The following PHF20L1 variants were observed in gnomAD, a reference collection of about 807,000 sequenced individuals.
The protein encoded by PHF20L1 is PHD finger protein 20 like 1, also known as PHD finger protein 20-like protein 1.
PHF20L1 carries 44 observed loss-of-function variants against 125.5 expected under a neutral mutation model. The observed-to-expected ratio is 0.35, with a 90% CI of 0.28 to 0.45. The LOEUF (loss-of-function observed/expected upper bound fraction) is 0.45. Ranked by LOEUF, PHF20L1 falls within the 20% of genes least tolerant of loss-of-function variation. The pLI is 1.00. For missense variants in PHF20L1, 1,012 were observed against 1,217.2 expected (o/e 0.83, Z 2.51); for synonymous variants, 380 against 403.1 (o/e 0.94, Z 0.69).
intron 10 of PHF20L1, 64 bp from the exon 11 acceptor site, chr8:132,816,824 C>T: frequency 1.9e-6 from 2 of 1,072,402 alleles, no homozygotes; most frequent in Non-Finnish European, 2.9e-6. Flanking sequence ...CATTTATCTC[C>T]TTAAATATTG....
At chr8:132,788,814 C>T (rs994122838) in intron 2 of PHF20L1, 45 of 152,084 alleles carry the variant, frequency 3.0e-4, no homozygotes, top group Admixed American at 2.8e-3. Flanking sequence ...GATAATGAAG[C>T]GCTGACAGTT....
At chr8:132,827,287 T>G (rs1393837817) in intron 14 of PHF20L1, among the ~76,000 whole-genome samples, 1 of 152,032 alleles carries the variant, frequency 6.6e-6, no homozygotes. Flanking sequence ...AATACCCTTC[T>G]GTGAGTGGTA....
chr8:132,824,190 C>T (rs992933271), intron 13 of PHF20L1, 130 bp downstream of exon 13: 3 of 559,146 alleles, frequency 5.4e-6, no homozygotes. Flanking sequence ...TTAGTTCCTA[C>T]TAGTGTTAGT....
intron 14 of PHF20L1, among the ~76,000 whole-genome samples, chr8:132,831,595 T>C (rs1358689020): frequency 6.6e-6 from 1 of 152,056 alleles, no homozygotes; most frequent in Admixed American, 6.6e-5. Flanking sequence ...TCTTTACGAA[T>C]TGTGGGGAAG....
rs1015394105 is a variant in PHF20L1, at chr8:132,798,066, A to G, written c.341-706A>G. Among the ~76,000 whole-genome samples, 6 of 152,168 alleles carry G rather than the reference A, an allele frequency of 3.9e-5. No homozygotes were observed. In the South Asian group the frequency reaches 6.2e-4, roughly 16 times the overall value. The stretch of plus-strand genomic sequence containing the variant: ...AAGTGAATATGCTTCATAATAGACA[A>G]ACAAAATCTTGAGTCCTTCAAGTAG... On this transcript the variant is annotated intron_variant, in intron 4 of 20. Coordinates refer to ENST00000395386, the MANE Select transcript of PHF20L1 (RefSeq NM_016018.5).
intron 2 of PHF20L1, among the ~76,000 whole-genome samples, chr8:132,780,853 T>TC (rs1830340587): frequency 6.6e-6 from 1 of 150,482 alleles, no homozygotes; most frequent in East Asian, 1.9e-4. Context: ...GCTTTTTTTT[T>TC]TTTTTTTTTG....
chr8:132,785,686 G>A (rs1023465533), intron 2 of PHF20L1, among the ~76,000 whole-genome samples: 5 of 152,194 alleles, frequency 3.3e-5, no homozygotes, highest in Middle Eastern at 3.4e-3. Context: ...TGGTATGCAA[G>A]TATTATGTTA....
At chr8:132,842,931 A>G in intron 19 of PHF20L1, 56 bp downstream of exon 19, 1 of 1,515,200 alleles carries the variant, frequency 6.6e-7, no homozygotes. Context: ...ACAAAGGAAA[A>G]TTTTATAAAA....
Position 132,836,549 on chromosome 8 carries a change from A to T in PHF20L1, c.1919A>T (p.Asp640Val). The T allele has an allele frequency of 6.2e-7, 1 of 1,602,772 alleles. No individual in the cohort carries two copies. Among genetic ancestry groups the T allele is most frequent in the Non-Finnish European group, 8.5e-7 (1 of 1,170,316 alleles). The part of the protein sequence containing the change: ...SVDLSGENLS[D>V]VDFLDDSSTE... ...TTTGTATATATTCTAGACTTATCAG[A>T]TGTAGACTTCCTAGATGATTCTTCA... The change falls in exon 16 of 21, where the codon GAT becomes GTT. Residue 640 changes from aspartate to valine, a missense_variant. Asp to Val is a radical substitution (Grantham distance 152). Around this residue, in one of 7 missense-constraint regions of PHF20L1, gnomAD observed 320 missense variants for 293.8 expected, o/e 1.09. Transcript: ENST00000395386.
intron 18 of PHF20L1, among the ~76,000 whole-genome samples, chr8:132,841,137 ATATACT>A (rs879258189): frequency 6.6e-6 from 1 of 151,966 alleles, no homozygotes; most frequent in Admixed American, 6.6e-5. Flanking sequence ...TTTCTGTTTC[ATATACT>A]TATAGGCCCT....
At chr8:132,811,430 T>G in intron 9 of PHF20L1, 2 of 1,043,398 alleles carry the variant, frequency 1.9e-6, no homozygotes, top group Non-Finnish European at 2.3e-6. Context: ...AAAAAGACCC[T>G]TACACAAATA....
chr8:132,833,590 G>A (rs1400414058), intron 15 of PHF20L1, among the ~76,000 whole-genome samples: 1 of 152,042 alleles, frequency 6.6e-6, no homozygotes. Context: ...CAACTTCTAG[G>A]TGATGCTATG....
intron 8 of PHF20L1, 187 bp from the exon 9 acceptor site, chr8:132,810,859 C>G (rs775854138): frequency 5.7e-6 from 3 of 529,236 alleles, no homozygotes; most frequent in African/African-American, 1.9e-5. Context: ...AAGCAACTCT[C>G]AAGTTCTGAT....
At chr8:132,838,820 C>A (rs1198040866) in intron 17 of PHF20L1, among the ~76,000 whole-genome samples, 1 of 152,074 alleles carries the variant, frequency 6.6e-6, no homozygotes, top group Non-Finnish European at 1.5e-5. Context: ...CTTCTATTTG[C>A]CACTGTGGTG....
At position 132,845,763 on chromosome 8, in the gene PHF20L1, T is replaced by C; in HGVS notation, c.2912-18T>C. 1 of 1,573,780 alleles carries C rather than the reference T, an allele frequency of 6.4e-7. No individual in the cohort carries two copies. Among genetic ancestry groups the C allele is most frequent in the Non-Finnish European group, 8.7e-7 (1 of 1,144,724 alleles). On this transcript the variant is annotated intron_variant, in intron 20 of 20. Coordinates refer to ENST00000395386, the MANE Select transcript of PHF20L1 (RefSeq NM_016018.5). ...TCCAGTTGCAGTTTAAATTTGTTTA[T>C]CTTCTTCTCTCTTTTAGTTCTGGAA...
rs564375171 is a variant in PHF20L1, at chr8:132,785,218, T to G, written c.83+7307T>G. On this transcript the variant is annotated intron_variant, in intron 2 of 20. Transcript: ENST00000395386. Reference sequence around the variant, plus strand: ...TTTGTTACATCATTCCTGCCGAATGTTATTATGTATTATGAGATTTCACAC... The same window carrying G: ...TTTGTTACATCATTCCTGCCGAATGGTATTATGTATTATGAGATTTCACAC... 5.0e-4 allele frequency among the ~76,000 whole-genome samples: 76 copies of G among 152,322 alleles called. 1 individual carries two copies. Among genetic ancestry groups the G allele is most frequent in the African/African-American group, 1.7e-3 (72 of 41,576 alleles).
chr8:132,776,677 T>C (rs754996317), intron 1 of PHF20L1, among the ~76,000 whole-genome samples: 7 of 152,244 alleles, frequency 4.6e-5, no homozygotes, highest in Non-Finnish European at 7.3e-5. Flanking sequence ...TGGAATTTTA[T>C]GTTTGTTGTT....
At chr8:132,777,459 C>G (rs559149916) in intron 1 of PHF20L1, among the ~76,000 whole-genome samples, 4 of 152,298 alleles carry the variant, frequency 2.6e-5, no homozygotes, top group African/African-American at 9.6e-5. Flanking sequence ...ATTTTCAGCT[C>G]TCCCCGTGGA....
intron 15 of PHF20L1, among the ~76,000 whole-genome samples, chr8:132,836,135 G>C (rs1837331392): frequency 6.6e-6 from 1 of 152,054 alleles, no homozygotes; most frequent in Non-Finnish European, 1.5e-5. Flanking sequence ...CTGTCCCCAG[G>C]TCCACGGACA....
Sources: allele counts gnomAD v4.1 joint callset (sites outside exome capture counted in the v4.1 genomes callset), GRCh38; gene constraint gnomAD v4.1.1; regional missense constraint gnomAD v4.1.1; transcripts MANE v1.5; gene names NCBI Gene and HGNC (gene_info 2026-07-23, HGNC 2026-07-21).